DOCK7: variants seen among roughly 807,000 people sequenced by gnomAD.
The protein encoded by DOCK7 is dedicator of cytokinesis 7, also known as dedicator of cytokinesis protein 7.
Under a neutral mutation model 271.0 loss-of-function variants are expected in DOCK7, and 138 were observed. The observed-to-expected ratio is 0.51, with a 90% CI of 0.44 to 0.59. DOCK7 has a LOEUF of 0.59. DOCK7 is among the 20% of genes least tolerant of loss of function. The pLI, the probability that DOCK7 is intolerant of heterozygous loss-of-function variation, is 0.00. For missense variants in DOCK7, 2,066 were observed against 2,592.4 expected (o/e 0.80, Z 4.41); for synonymous variants, 823 against 876.1 (o/e 0.94, Z 1.07).
chr1:62,601,836 A>C (rs568204829), intron 14 of DOCK7: 7 of 1,610,350 alleles, frequency 4.3e-6, no homozygotes, highest in Non-Finnish European at 5.9e-6. Context: ...ATGCCATCAG[A>C]CCCAGCAACT....
chr1:62,653,395 T>G (rs1384516396), intron 4 of DOCK7, among the ~76,000 whole-genome samples: 1 of 152,212 alleles, frequency 6.6e-6, no homozygotes, highest in Non-Finnish European at 1.5e-5. Flanking sequence ...TAAACTGGAT[T>G]CTTTTTGAGA....
intron 43 of DOCK7, chr1:62,485,278 G>A: frequency 3.0e-6 from 3 of 985,254 alleles, no homozygotes; most frequent in Non-Finnish European, 3.6e-6. Context: ...CTCCCGAAAG[G>A]TTCATGATTT....
intron 11 of DOCK7, among the ~76,000 whole-genome samples, chr1:62,626,515 T>G (rs754074183): frequency 6.6e-5 from 10 of 151,518 alleles, no homozygotes; most frequent in South Asian, 2.1e-4. Context: ...AGACTCAAAT[T>G]ACTAAAATCA....
intron 43 of DOCK7, chr1:62,482,318 AATAT>A (rs1646150767): frequency 6.6e-6 from 1 of 150,832 alleles, no homozygotes; most frequent in African/African-American, 2.5e-5. Flanking sequence ...GTTAAACTCT[AATAT>A]ATTTGACACC....
At chr1:62,513,687 T>C (rs1644569942) in intron 32 of DOCK7, 29 bp downstream of exon 32, 1 of 1,608,808 alleles carries the variant, frequency 6.2e-7, no homozygotes, top group Non-Finnish European at 8.5e-7. Context: ...TCCTTTCTTG[T>C]TCTTTGCAAT....
intron 14 of DOCK7, chr1:62,601,283 A>G: frequency 1.1e-6 from 1 of 944,150 alleles, no homozygotes. Flanking sequence ...AAAGATAGTT[A>G]AGAGATATCC....
At chr1:62,606,990 CTGAGGT>C (rs1275532976) in intron 14 of DOCK7, among the ~76,000 whole-genome samples, 3 of 151,988 alleles carry the variant, frequency 2.0e-5, no homozygotes, top group African/African-American at 7.2e-5. Context: ...GGTGGATCAC[CTGAGGT>C]CAGGAGTCTG....
At chr1:62,621,102 G>C (rs1345955760) in intron 12 of DOCK7, among the ~76,000 whole-genome samples, 2 of 151,838 alleles carry the variant, frequency 1.3e-5, no homozygotes, top group African/African-American at 4.8e-5. Context: ...CACTGGCTAA[G>C]GTGAGGAGGA....
At chr1:62,676,791 C>G (rs1157769854) in intron 1 of DOCK7, among the ~76,000 whole-genome samples, 2 of 152,162 alleles carry the variant, frequency 1.3e-5, no homozygotes, top group Non-Finnish European at 2.9e-5. Context: ...AAACCAGGAA[C>G]AGCCCATGAT....
intron 49 of DOCK7, among the ~76,000 whole-genome samples, chr1:62,455,700 C>T (rs1194869383): frequency 6.6e-6 from 1 of 152,124 alleles, no homozygotes; most frequent in Non-Finnish European, 1.5e-5. Context: ...ACTGATGCTG[C>T]AGATATTGTA....
intron 4 of DOCK7, among the ~76,000 whole-genome samples, chr1:62,653,162 G>T (rs1430969250): frequency 6.6e-6 from 1 of 152,124 alleles, no homozygotes; most frequent in East Asian, 1.9e-4. Context: ...AATGATTATT[G>T]TGTAAATCAG....
chr1:62,602,403 T>C (rs1397207596), intron 14 of DOCK7: 26 of 1,586,202 alleles, frequency 1.6e-5, no homozygotes, highest in African/African-American at 2.7e-5. Flanking sequence ...CATTCAATCA[T>C]TCATTCACTT....
At chr1:62,665,951 C>T (rs1174774259) in intron 1 of DOCK7, among the ~76,000 whole-genome samples, 1 of 151,950 alleles carries the variant, frequency 6.6e-6, no homozygotes, top group Non-Finnish European at 1.5e-5. Context: ...ATCACAAGGT[C>T]ATGAGATCAG....
chr1:62,525,698 T>C (rs11577840), intron 31 of DOCK7, among the ~76,000 whole-genome samples: 88,130 of 152,050 alleles, frequency 0.58, 27,338 homozygotes, highest in East Asian at 0.76. Flanking sequence ...TTTATTTTAT[T>C]ATTACATTTT....
At chr1:62,556,879 AAGTTAAGCG>A (rs2149434989) in intron 20 of DOCK7, among the ~76,000 whole-genome samples, 1 of 152,230 alleles carries the variant, frequency 6.6e-6, no homozygotes, top group African/African-American at 2.4e-5. Context: ...AACCTGAGCG[AAGTTAAGCG>A]ATCCTACCTG....
At chr1:62,542,793 A>G (rs1006753951) in intron 24 of DOCK7, 90 bp from the exon 25 acceptor site, 7 of 1,282,210 alleles carry the variant, frequency 5.5e-6, no homozygotes, top group Non-Finnish European at 6.6e-6. Flanking sequence ...CGAAGATATA[A>G]TGAGAATAAG....
At position 62,455,438 on chromosome 1, in the gene DOCK7, C is replaced by T; in HGVS notation, c.6399G>A (p.Met2133Ile). Residue 2133 changes from methionine to isoleucine, a missense_variant, in exon 50 of 50, where the codon ATG becomes ATA. By Grantham distance (10) the Met-to-Ile change is conservative (BLOSUM62 1). Transcript: ENST00000635253. ...VTCHRDSFSR[M>I]SLRKMDL The stretch of plus-strand genomic sequence containing the variant: ...TTTAGAGATCCATTTTGCGAAGGCT[C>T]ATTCGACTGAAGGAATCTCTGGGAA... 6.2e-7 allele frequency: 1 copy of T among 1,613,650 alleles called. No homozygotes were observed. The highest frequency in any genetic ancestry group is 1.1e-5 in the South Asian group (1 of 91,052).
intron 7 of DOCK7, among the ~76,000 whole-genome samples, chr1:62,646,333 G>C (rs745798534): frequency 6.6e-6 from 1 of 152,184 alleles, no homozygotes; most frequent in Admixed American, 6.5e-5. Context: ...ATTGTCAGGT[G>C]CTGAGGAAAA....
intron 18 of DOCK7, among the ~76,000 whole-genome samples, chr1:62,569,674 C>A (rs936414036): frequency 6.6e-6 from 1 of 151,630 alleles, no homozygotes; most frequent in African/African-American, 2.4e-5. Context: ...TGAAGACTGG[C>A]ACAAAACAAG....
Sources: allele counts gnomAD v4.1 joint callset (sites outside exome capture counted in the v4.1 genomes callset), GRCh38; gene constraint gnomAD v4.1.1; transcripts MANE v1.5; gene names NCBI Gene and HGNC (gene_info 2026-07-23, HGNC 2026-07-21).